The following MYO9A variants were observed in gnomAD, a reference collection of about 807,000 sequenced individuals.
The protein encoded by MYO9A is unconventional myosin-IXa.
Under a neutral mutation model 293.3 loss-of-function variants are expected in MYO9A, and 103 were observed. The observed-to-expected ratio is 0.35, with a 90% CI of 0.30 to 0.41. The LOEUF (loss-of-function observed/expected upper bound fraction) is 0.41, where lower values mean the gene tolerates loss of function less well. Ranked by LOEUF, MYO9A falls within the 10% of genes least tolerant of loss-of-function variation. MYO9A has a pLI of 1.00. For missense variants in MYO9A, 2,685 were observed against 3,033.0 expected, an observed-to-expected ratio of 0.89 and a Z score of 2.69; for synonymous variants, 1,001 against 1,035.7, an observed-to-expected ratio of 0.97 and a Z score of 0.64.
At chr15:71,840,626 G>C (rs2055117208) in intron 39 of MYO9A, among the ~76,000 whole-genome samples, 1 of 151,806 alleles carries the variant, frequency 6.6e-6, no homozygotes, top group Admixed American at 6.6e-5. Flanking sequence ...AGGTTTTAAG[G>C]CTTTCTTTTT....
At chr15:72,095,708 G>A (rs2080040662) in intron 1 of MYO9A, among the ~76,000 whole-genome samples, 1 of 92,536 alleles carries the variant, frequency 1.1e-5, no homozygotes, top group African/African-American at 2.6e-5. Context: ...TCTCCTGCTA[G>A]GGGCTAAGGC....
At chr15:71,907,259 C>A (rs1321743165) in intron 19 of MYO9A, among the ~76,000 whole-genome samples, 2 of 150,912 alleles carry the variant, frequency 1.3e-5, no homozygotes, top group Non-Finnish European at 3.0e-5. Flanking sequence ...CATGTCCCTA[C>A]AAAGGACATG....
At chr15:72,015,049 A>G (rs1377052336) in intron 6 of MYO9A, among the ~76,000 whole-genome samples, 2 of 142,924 alleles carry the variant, frequency 1.4e-5, no homozygotes, top group African/African-American at 5.2e-5. Context: ...GGGTTTCACT[A>G]TGTTGGCCAG....
At chr15:71,976,211 TG>T (rs1305481938) in intron 12 of MYO9A, among the ~76,000 whole-genome samples, 1 of 152,054 alleles carries the variant, frequency 6.6e-6, no homozygotes, top group East Asian at 1.9e-4. Flanking sequence ...TGCTTATTAG[TG>T]GGGAAAAAAC....
At chr15:71,987,262 C>A (rs901103586) in intron 11 of MYO9A, among the ~76,000 whole-genome samples, 1 of 152,170 alleles carries the variant, frequency 6.6e-6, no homozygotes. Flanking sequence ...ATATCCTCAT[C>A]ATTAAGTGAC....
intron 16 of MYO9A, 23 bp from the exon 17 acceptor site, chr15:71,935,507 T>C: frequency 2.5e-6 from 4 of 1,608,740 alleles, no homozygotes; most frequent in East Asian, 2.2e-5. Flanking sequence ...TAATTTGCTT[T>C]AGTTAATGAA....
Position 71,849,092 on chromosome 15 carries a change from T to G in MYO9A, c.6714-124A>C. The G allele has an allele frequency of 1.2e-5, 11 of 939,200 alleles. 1 individual carries two copies. The South Asian group carries it at 2.0e-4, about 17-fold the overall frequency. 58.2% of individuals were successfully genotyped at this position (939,200 alleles called of 1,614,324 possible). A position where few individuals can be genotyped will look rare whatever the true frequency, so the allele number is the denominator to read the frequency against. ...GAAAAAATTAACATCCCTTACTTGA[T>G]AAACTCAGAGACAAGGTTTAGAATG... On this transcript the variant is annotated intron_variant, in intron 38 of 41. Transcript: ENST00000356056.
chr15:71,945,645 C>G (rs1247506755), intron 15 of MYO9A, among the ~76,000 whole-genome samples: 1 of 151,982 alleles, frequency 6.6e-6, no homozygotes, highest in Non-Finnish European at 1.5e-5. Context: ...AGCACTTTTC[C>G]TTAAATAGGA....
chr15:71,964,682 G>T (rs1208490589), intron 13 of MYO9A, among the ~76,000 whole-genome samples: 1 of 151,684 alleles, frequency 6.6e-6, no homozygotes, highest in Non-Finnish European at 1.5e-5. Flanking sequence ...AGCTACTCAG[G>T]AGGCTGAGGC....
chr15:71,917,672 C>T (rs2058047967), intron 18 of MYO9A, among the ~76,000 whole-genome samples: 2 of 152,084 alleles, frequency 1.3e-5, no homozygotes, highest in South Asian at 2.1e-4. Flanking sequence ...TATTTGGGAG[C>T]TTTTTGAGCC....
At chr15:71,904,510 G>C (rs1180372970) in intron 20 of MYO9A, among the ~76,000 whole-genome samples, 1 of 152,050 alleles carries the variant, frequency 6.6e-6, no homozygotes, top group Admixed American at 6.6e-5. Flanking sequence ...AAAATTAGCC[G>C]GGCGTGGTGG....
intron 1 of MYO9A, among the ~76,000 whole-genome samples, chr15:72,051,079 T>G (rs1261465326): frequency 6.6e-6 from 1 of 152,252 alleles, no homozygotes; most frequent in Non-Finnish European, 1.5e-5. Flanking sequence ...GTTTTTGTTT[T>G]ATAGAGCCAG....
chr15:71,968,573 A>G (rs191330546), intron 12 of MYO9A, among the ~76,000 whole-genome samples: 13 of 152,340 alleles, frequency 8.5e-5, no homozygotes, highest in African/African-American at 3.1e-4. Context: ...ACATGCATAA[A>G]TAAGTAGCCA....
intron 18 of MYO9A, among the ~76,000 whole-genome samples, chr15:71,921,947 T>A (rs2058165738): frequency 6.6e-6 from 1 of 152,152 alleles, no homozygotes; most frequent in Non-Finnish European, 1.5e-5. Context: ...CCCTAAACAC[T>A]GCATGCTGCT....
At position 71,974,967 on chromosome 15, in the gene MYO9A, G is replaced by A. The variant is rs115101601; in HGVS notation, c.1844+3204C>T. Among the ~76,000 whole-genome samples the A allele has an allele frequency of 5.6e-3, 854 of 152,232 alleles. 10 individuals carry two copies. The highest frequency in any genetic ancestry group is 0.019 in the African/African-American group (808 of 41,522). On this transcript the variant is annotated intron_variant, in intron 12 of 41. Coordinates refer to ENST00000356056, the MANE Select transcript of MYO9A (RefSeq NM_006901.4). ...AGGAATAAATGGGTTATTCATTGAG[G>A]GAAATCCAACATTACATTAACACAT...
chr15:71,994,454 C>A lies in MYO9A; in HGVS notation c.1587+15G>T. On this transcript the variant is annotated intron_variant, in intron 10 of 41. Transcript: ENST00000356056. ...CTTTCAGGGAAAAACATATTATAAT[C>A]CAATATATCATTACCTTGGTATTAT... 2.1e-6 allele frequency: 3 copies of A among 1,450,340 alleles called. No homozygotes were observed. The highest frequency in any genetic ancestry group is 1.3e-5 in the South Asian group (1 of 78,590). The allele number at this position is 1,450,340 out of a possible 1,614,324, so 89.8% of individuals were successfully genotyped here. A position where few individuals can be genotyped will look rare whatever the true frequency, so the allele number is the denominator to read the frequency against.
intron 4 of MYO9A, among the ~76,000 whole-genome samples, chr15:72,024,437 C>T (rs889888919): frequency 2.0e-5 from 3 of 152,092 alleles, no homozygotes; most frequent in African/African-American, 7.2e-5. Context: ...TGCATCACCA[C>T]ACCTGGCTAA....
intron 3 of MYO9A, among the ~76,000 whole-genome samples, chr15:72,029,084 A>G (rs1596415917): frequency 6.6e-6 from 1 of 152,208 alleles, no homozygotes; most frequent in East Asian, 1.9e-4. Flanking sequence ...AAGAATTCCC[A>G]TGGATAAGTG....
At chr15:71,935,677 T>C (rs185551585) in intron 16 of MYO9A, among the ~76,000 whole-genome samples, 193 bp from the exon 17 acceptor site, 69 of 152,308 alleles carry the variant, frequency 4.5e-4, no homozygotes, top group African/African-American at 1.9e-4. Flanking sequence ...CAAATTCCTA[T>C]GAATTCCATC....
Sources: allele counts gnomAD v4.1 joint callset (sites outside exome capture counted in the v4.1 genomes callset), GRCh38; gene constraint gnomAD v4.1.1; transcripts MANE v1.5; gene names NCBI Gene and HGNC (gene_info 2026-07-23, HGNC 2026-07-21).